Variants in GTF2E1 observed in about 807,000 individuals in gnomAD.
GTF2E1 encodes TFIIE alpha subunit.
In GTF2E1, 14 loss-of-function variants were observed where a neutral mutation model predicts 34.9. The ratio of observed to expected loss-of-function variants is 0.40; its 90% confidence interval spans 0.27 to 0.63. The LOEUF (loss-of-function observed/expected upper bound fraction) is 0.63, where lower values mean the gene tolerates loss of function less well. Among genes scored for constraint, GTF2E1 ranks in the 20% least tolerant of loss-of-function variants. The pLI is 0.39. For missense variants in GTF2E1, 469 were observed against 557.7 expected (o/e 0.84, Z 1.60); for synonymous variants, 188 against 192.9 (o/e 0.97, Z 0.21).
intron 2 of GTF2E1, 126 bp downstream of exon 2, chr3:120,751,126 AC>A: frequency 1.6e-6 from 1 of 633,948 alleles, no homozygotes; most frequent in East Asian, 2.8e-5. Flanking sequence ...AGTGTAAATC[AC>A]AGCATACAGT....
intron 2 of GTF2E1, among the ~76,000 whole-genome samples, chr3:120,758,199 A>G (rs1445856916): frequency 6.6e-6 from 1 of 152,120 alleles, no homozygotes; most frequent in East Asian, 1.9e-4. Flanking sequence ...CTTGGTAAAG[A>G]CACAAATAGT....
At chr3:120,778,923 A>G (rs774313382) in intron 4 of GTF2E1, among the ~76,000 whole-genome samples, 2 of 152,154 alleles carry the variant, frequency 1.3e-5, no homozygotes, top group Non-Finnish European at 2.9e-5. Context: ...GCCCACGTAT[A>G]CAACCTTCAG....
rs1576365190 is a variant in GTF2E1, at chr3:120,782,544, A to G, written c.*1074A>G. 6.6e-6 allele frequency: 1 copy of G among 152,358 alleles called. No homozygotes were observed. The highest frequency in any genetic ancestry group is 1.5e-5 in the Non-Finnish European group (1 of 68,038). The allele number at this position is 152,358 out of a possible 1,614,324, so 9.4% of individuals were successfully genotyped here. A position where few individuals can be genotyped will look rare whatever the true frequency, so the allele number is the denominator to read the frequency against. Reference sequence around the variant, plus strand: ...ACAAGCATTGGTAACAGTGCCTTAGAACTGTGTCAGTTAGTCTGATTTGGA... The same window carrying G: ...ACAAGCATTGGTAACAGTGCCTTAGGACTGTGTCAGTTAGTCTGATTTGGA... On this transcript the variant is annotated 3_prime_UTR_variant, in exon 5 of 5. Coordinates refer to ENST00000283875, the MANE Select transcript of GTF2E1 (RefSeq NM_005513.3).
chr3:120,750,606 C>G lies in GTF2E1; in HGVS notation c.54C>G (p.Ala18=), dbSNP rs757356626. 7.6e-5 allele frequency: 123 copies of G among 1,613,776 alleles called. No homozygotes were observed. Among genetic ancestry groups the G allele is most frequent in the Non-Finnish European group, 1.0e-4 (120 of 1,179,904 alleles). The stretch of plus-strand genomic sequence containing the variant: ...TTCCAGCAGCATTGAAGCGGTTAGC[C>G]AAGTATGTGATCCGGGGATTTTATG... The part of the protein sequence containing the change: ...TEVPAALKRL[A]KYVIRGFYGI... The change falls in exon 2 of 5, where the codon GCC becomes GCG. Residue 18 remains alanine, a synonymous_variant. Coordinates refer to ENST00000283875, the MANE Select transcript of GTF2E1 (RefSeq NM_005513.3).
chr3:120,777,050 C>T (rs893976246), intron 4 of GTF2E1, among the ~76,000 whole-genome samples: 1 of 152,126 alleles, frequency 6.6e-6, no homozygotes, highest in Non-Finnish European at 1.5e-5. Context: ...CTACCCCAAA[C>T]TTTATGTTTT....
At chr3:120,772,419 A>G (rs1709361171) in intron 3 of GTF2E1, among the ~76,000 whole-genome samples, 1 of 152,200 alleles carries the variant, frequency 6.6e-6, no homozygotes, top group South Asian at 2.1e-4. Flanking sequence ...AAGGAGCCAC[A>G]GTTGATAGGA....
chr3:120,764,013 C>T (rs954316499), intron 2 of GTF2E1, among the ~76,000 whole-genome samples: 1 of 152,160 alleles, frequency 6.6e-6, no homozygotes, highest in Non-Finnish European at 1.5e-5. Context: ...GCTTTGTGTG[C>T]ACCAGGCATG....
chr3:120,764,513 A>G (rs1709290812), intron 2 of GTF2E1, among the ~76,000 whole-genome samples: 1 of 152,220 alleles, frequency 6.6e-6, no homozygotes, highest in African/African-American at 2.4e-5. Flanking sequence ...AGTTTGTGGG[A>G]AAAATGACTG....
chr3:120,758,882 C>T (rs182530527), intron 2 of GTF2E1, among the ~76,000 whole-genome samples: 87 of 152,254 alleles, frequency 5.7e-4, no homozygotes, highest in South Asian at 1.7e-3. Flanking sequence ...AGTAAACATA[C>T]GTGTGCATGT....
In GTF2E1 at chr3:120,781,065, T is replaced by G; in HGVS notation, c.915T>G (p.Phe305Leu). The G allele has an allele frequency of 4.3e-6, 7 of 1,613,328 alleles. No homozygotes were observed. Among genetic ancestry groups the G allele is most frequent in the Non-Finnish European group, 5.9e-6 (7 of 1,179,458 alleles). The change falls in exon 5 of 5, where the codon TTT becomes TTG. Residue 305 changes from phenylalanine to leucine, a missense_variant. Coordinates refer to ENST00000283875, the MANE Select transcript of GTF2E1 (RefSeq NM_005513.3). Reference protein sequence around the residue: ...MKEGGIDMDAFQEREEGHAGP... With the variant: ...MKEGGIDMDALQEREEGHAGP... ...CAGGGGGCATAGATATGGACGCATT[T>G]CAGGAGCGTGAGGAAGGCCATGCTG...
Position 120,776,621 on chromosome 3 carries a change from A to C in GTF2E1, c.849A>C (p.Glu283Asp), listed in dbSNP as rs943697787. ...SAKERPIWLR[E>D]STVQGAYGSE... ...AAGAGAGGCCTATTTGGTTGAGAGA[A>C]AGCACTGTCCAAGGGGCATATGGTT... The change falls in exon 4 of 5, where the codon GAA becomes GAC. Residue 283 changes from glutamate (E) to aspartate (D), a missense_variant. By Grantham distance (45) the Glu-to-Asp change is conservative. Transcript: ENST00000283875. 6.2e-7 allele frequency: 1 copy of C among 1,613,838 alleles called. No individual in the cohort carries two copies. Among genetic ancestry groups the C allele is most frequent in the East Asian group, 2.2e-5 (1 of 44,862 alleles).
intron 2 of GTF2E1, among the ~76,000 whole-genome samples, chr3:120,758,637 G>A (rs1709231361): frequency 6.6e-6 from 1 of 151,710 alleles, no homozygotes; most frequent in Non-Finnish European, 1.5e-5. Context: ...TGTTCTCGTT[G>A]TTAAACTCCC....
rs1348473791 is a variant in GTF2E1, at chr3:120,768,552, C to CT, written c.449-2175dup. On this transcript the variant is annotated intron_variant, in intron 2 of 4. Coordinates refer to ENST00000283875, the MANE Select transcript of GTF2E1 (RefSeq NM_005513.3). Reference sequence around the variant, plus strand: ...CCTTTCTTTAAAAACATTTTGAAAACTACAGAACTAGATAACTTGTCTTCC... The same window carrying CT: ...CCTTTCTTTAAAAACATTTTGAAAACTTACAGAACTAGATAACTTGTCTTCC... 2.0e-5 allele frequency among the ~76,000 whole-genome samples: 3 copies of CT among 152,112 alleles called. No homozygotes were observed. The East Asian group carries it at 5.8e-4, about 29-fold the overall frequency.
chr3:120,760,231 T>C (rs1295016850), intron 2 of GTF2E1, among the ~76,000 whole-genome samples: 1 of 152,168 alleles, frequency 6.6e-6, no homozygotes, highest in East Asian at 1.9e-4. Context: ...TGACTCTCTG[T>C]TTATTATTGG....
At chr3:120,768,233 C>G (rs949634564) in intron 2 of GTF2E1, among the ~76,000 whole-genome samples, 4 of 152,222 alleles carry the variant, frequency 2.6e-5, no homozygotes, top group African/African-American at 9.6e-5. Flanking sequence ...ATAATGTTGG[C>G]TACAGAAGGC....
chr3:120,767,534 A>G (rs1370765357), intron 2 of GTF2E1, among the ~76,000 whole-genome samples: 3 of 152,120 alleles, frequency 2.0e-5, no homozygotes, highest in Non-Finnish European at 2.9e-5. Flanking sequence ...TGGCCCTTCT[A>G]TCGCACCCCA....
intron 1 of GTF2E1, among the ~76,000 whole-genome samples, chr3:120,746,790 ACTCT>A (rs1005402493): frequency 2.8e-4 from 43 of 152,274 alleles, no homozygotes; most frequent in African/African-American, 1.0e-3. Flanking sequence ...AGAGCAAGAC[ACTCT>A]CTCTATGAAA....
chr3:120,749,193 C>G (rs1359004928), intron 1 of GTF2E1, among the ~76,000 whole-genome samples: 3 of 152,078 alleles, frequency 2.0e-5, no homozygotes, highest in African/African-American at 7.2e-5. Context: ...ATCATGTCAT[C>G]TGCAAACAGA....
At chr3:120,748,475 C>G (rs1358873571) in intron 1 of GTF2E1, among the ~76,000 whole-genome samples, 1 of 152,164 alleles carries the variant, frequency 6.6e-6, no homozygotes, top group Non-Finnish European at 1.5e-5. Flanking sequence ...ATGTGGCTAG[C>G]CAGTTTTCCC....
Sources: allele counts gnomAD v4.1 joint callset (sites outside exome capture counted in the v4.1 genomes callset), GRCh38; gene constraint gnomAD v4.1.1; transcripts MANE v1.5; gene names NCBI Gene and HGNC (gene_info 2026-07-23, HGNC 2026-07-21).